EDDM3A: variants seen among roughly 807,000 people sequenced by gnomAD.
EDDM3A encodes epididymal protein 3A.
For missense variants in EDDM3A, 199 were observed against 177.4 expected (o/e 1.12, Z -0.69); for synonymous variants, 75 against 60.4 (o/e 1.24, Z -1.12).
the EDDM3A span, among the ~76,000 whole-genome samples, chr14:20,738,273 A>G: frequency 6.6e-6 from 1 of 152,088 alleles, no homozygotes; most frequent in East Asian, 1.9e-4. Context: ...AGAGATTGAG[A>G]CCATGCTGGC....
the EDDM3A span, among the ~76,000 whole-genome samples, chr14:20,737,347 C>A: frequency 2.6e-5 from 4 of 152,136 alleles, no homozygotes; most frequent in African/African-American, 9.7e-5. Context: ...CAGGTGTGAG[C>A]CACCACACCC....
Position 20,747,537 on chromosome 14 carries a change from TCTTTCTCTTCCCTG to T in EDDM3A, c.-26-17_-26-4del. The T allele has an allele frequency of 2.0e-6, 3 of 1,475,726 alleles. No individual in the cohort carries two copies. Among genetic ancestry groups the T allele is most frequent in the Non-Finnish European group, 2.8e-6 (3 of 1,090,842 alleles). The allele number at this position is 1,475,726 out of a possible 1,614,324, so 91.4% of individuals were successfully genotyped here. A position where few individuals can be genotyped will look rare whatever the true frequency, so the allele number is the denominator to read the frequency against. ...CTGAGTATAGTCTGGTTAATGCTTT[TCTTTCTCTTCCCTG>T]TAGACACGCAGGTGGACGTGGTGAC... is the stretch of plus-strand genomic sequence containing the variant. On this transcript the variant is annotated splice_polypyrimidine_tract_variant and splice_region_variant and intron_variant, in intron 1 of 1. Coordinates refer to ENST00000326842, the MANE Select transcript of EDDM3A (RefSeq NM_006683.5).
chr14:20,747,971 G>A lies in EDDM3A; in HGVS notation c.391G>A (p.Gly131Arg). Residue 131 changes from glycine (G) to arginine (R), a missense_variant, in exon 2 of 2, where the codon GGA (glycine) becomes AGA (arginine). Gly to Arg is a moderately radical substitution (Grantham distance 125, BLOSUM62 -2). Transcript: ENST00000326842. ...SYIEFHCGVDGYVDNIEDLRI... is the reference protein window; with the variant it reads ...SYIEFHCGVDRYVDNIEDLRI... ...CATTGAATTCCATTGTGGCGTAGAT[G>A]GATATGTTGATAACATAGAAGACCT... 1.2e-6 allele frequency: 2 copies of A among 1,613,306 alleles called. No homozygotes were observed. The highest frequency in any genetic ancestry group is 2.2e-5 in the South Asian group (2 of 90,848).
chr14:20,746,457 A>T (rs1877590520), intron 1 of EDDM3A, among the ~76,000 whole-genome samples: 1 of 152,172 alleles, frequency 6.6e-6, no homozygotes, highest in South Asian at 2.1e-4. Flanking sequence ...ATGAGGACAG[A>T]TAGCTGGTAA....
upstream of EDDM3A, among the ~76,000 whole-genome samples, chr14:20,743,341 G>A (rs1877493288): frequency 6.6e-6 from 1 of 152,152 alleles, no homozygotes; most frequent in African/African-American, 2.4e-5. Context: ...CCTGAGGTCA[G>A]GAGTTTGAGA....
upstream of EDDM3A, among the ~76,000 whole-genome samples, chr14:20,742,851 C>A (rs1877477548): frequency 6.6e-6 from 1 of 152,086 alleles, no homozygotes; most frequent in African/African-American, 2.4e-5. Flanking sequence ...CCCACCTCAG[C>A]CTCCTAAGTA....
Position 20,747,957 on chromosome 14 carries a change from A to G in EDDM3A, c.377A>G (p.His126Arg), listed in dbSNP as rs1877657705. The G allele has an allele frequency of 6.2e-7, 1 of 1,613,974 alleles. No individual in the cohort carries two copies. The highest frequency in any genetic ancestry group is 1.3e-5 in the African/African-American group (1 of 74,912). The part of the protein sequence containing the change: ...ESRSFSYIEF[H>R]CGVDGYVDNI... ...AGAAGCTTCAGCTACATTGAATTCC[A>G]TTGTGGCGTAGATGGATATGTTGAT... The change falls in exon 2 of 2, where the codon CAT (histidine) becomes CGT (arginine). Residue 126 changes from histidine to arginine, a missense_variant. His to Arg is a conservative substitution (Grantham distance 29). Coordinates refer to ENST00000326842, the MANE Select transcript of EDDM3A (RefSeq NM_006683.5).
At position 20,748,062 on chromosome 14, in the gene EDDM3A, C is replaced by A; in HGVS notation, c.*38C>A. On this transcript the variant is annotated 3_prime_UTR_variant, in exon 2 of 2. Transcript: ENST00000326842. ...CATCCTCAGATATTGGTAGAGTATT[C>A]AGTGCTTCCAAAGTGGTGGGCCCTG... is the stretch of plus-strand genomic sequence containing the variant. 6.6e-7 allele frequency: 1 copy of A among 1,505,046 alleles called. No individual in the cohort carries two copies. Among genetic ancestry groups the A allele is most frequent in the South Asian group, 1.3e-5 (1 of 75,318 alleles). The allele number at this position is 1,505,046 out of a possible 1,614,324, so 93.2% of individuals were successfully genotyped here. A position where few individuals can be genotyped will look rare whatever the true frequency, so the allele number is the denominator to read the frequency against.
chr14:20,740,944 C>T (rs967005939), upstream of EDDM3A, among the ~76,000 whole-genome samples: 3 of 152,150 alleles, frequency 2.0e-5, no homozygotes, highest in Non-Finnish European at 4.4e-5. Flanking sequence ...GAGGTGTTGA[C>T]GCTGACACAG....
chr14:20,741,056 A>G (rs543627218), upstream of EDDM3A, among the ~76,000 whole-genome samples: 1 of 152,302 alleles, frequency 6.6e-6, no homozygotes, highest in African/African-American at 2.4e-5. Context: ...TCCAAAGCCA[A>G]TGGAAAATTT....
rs74034402 is a variant in EDDM3A at position 20,747,919 on chromosome 14, G to A, written c.339G>A (p.Arg113=). The stretch of plus-strand genomic sequence containing the variant: ...GTCACTGGGAGAAGTACAACAATAG[G>A]TACACAGAGAGCAGAAGCTTCAGCT... ...LECHWEKYNN[R]YTESRSFSYI... Residue 113 remains arginine, a synonymous_variant, in exon 2 of 2, where the codon AGG becomes AGA. Transcript: ENST00000326842. The A allele has an allele frequency of 3.8e-3, 6,119 of 1,614,092 alleles. 176 individuals carry two copies. The African/African-American group carries it at 0.066, about 18-fold the overall frequency.
At chr14:20,742,198 G>C (rs1194570244), upstream of EDDM3A, among the ~76,000 whole-genome samples, 1 of 152,160 alleles carries the variant, frequency 6.6e-6, no homozygotes, top group Non-Finnish European at 1.5e-5. Flanking sequence ...ACAAGAGGTG[G>C]GTACTGATTC....
Position 20,747,958 on chromosome 14 carries a change from T to C in EDDM3A, c.378T>C (p.His126=), listed in dbSNP as rs751497334. Residue 126 remains histidine (H), a synonymous_variant, in exon 2 of 2, where the codon CAT becomes CAC. Coordinates refer to ENST00000326842, the MANE Select transcript of EDDM3A (RefSeq NM_006683.5). The part of the protein sequence containing the change: ...ESRSFSYIEF[H]CGVDGYVDNI... ...GAAGCTTCAGCTACATTGAATTCCA[T>C]TGTGGCGTAGATGGATATGTTGATA... 3 of 1,613,904 alleles carry C rather than the reference T, an allele frequency of 1.9e-6. No homozygotes were observed. Among genetic ancestry groups the C allele is most frequent in the Non-Finnish European group, 2.5e-6 (3 of 1,179,978 alleles).
chr14:20,739,612 C>T, the EDDM3A span, among the ~76,000 whole-genome samples: 4 of 152,194 alleles, frequency 2.6e-5, no homozygotes, highest in Non-Finnish European at 5.9e-5. Context: ...GCTCTGCATC[C>T]TCACCAGCTT....
At position 20,747,933 on chromosome 14, in the gene EDDM3A, G is replaced by A. The variant is rs1437858189; in HGVS notation, c.353G>A (p.Arg118Lys). 1 of 1,614,126 alleles carries A rather than the reference G, an allele frequency of 6.2e-7. No individual in the cohort carries two copies. The highest frequency in any genetic ancestry group is 1.7e-5 in the Admixed American group (1 of 60,014). The change falls in exon 2 of 2, where the codon AGA becomes AAA. Residue 118 changes from arginine to lysine, a missense_variant. Coordinates refer to ENST00000326842, the MANE Select transcript of EDDM3A (RefSeq NM_006683.5). The stretch of plus-strand genomic sequence containing the variant: ...TACAACAATAGGTACACAGAGAGCA[G>A]AAGCTTCAGCTACATTGAATTCCAT... ...EKYNNRYTES[R>K]SFSYIEFHCG... is the part of the protein sequence containing the mutation.
In EDDM3A at chr14:20,746,614, C is replaced by T. The variant is rs1458591014; in HGVS notation, c.-27+622C>T. ...TGATGGCATTGTCAATAAGCTCTAA[C>T]AAATGAAGATCATTTGTAATAGCAG... On this transcript the variant is annotated intron_variant, in intron 1 of 1. Coordinates refer to ENST00000326842, the MANE Select transcript of EDDM3A (RefSeq NM_006683.5). 3.3e-5 allele frequency among the ~76,000 whole-genome samples: 5 copies of T among 152,194 alleles called. No homozygotes were observed. The East Asian group carries it at 9.6e-4, about 29-fold the overall frequency.
At chr14:20,738,848 C>T in the EDDM3A span, among the ~76,000 whole-genome samples, 3 of 152,114 alleles carry the variant, frequency 2.0e-5, 1 homozygote, top group South Asian at 4.2e-4. Context: ...AGGGAGATGA[C>T]CAGGAAAAGT....
upstream of EDDM3A, among the ~76,000 whole-genome samples, chr14:20,745,555 T>G: frequency 6.7e-6 from 1 of 150,240 alleles, no homozygotes; most frequent in Non-Finnish European, 1.5e-5. Flanking sequence ...CTTTCCTCAG[T>G]GAAGTTCCCA....
At chr14:20,736,993 G>A in the EDDM3A span, among the ~76,000 whole-genome samples, 5 of 151,462 alleles carry the variant, frequency 3.3e-5, no homozygotes, top group South Asian at 4.2e-4. Flanking sequence ...GATTATAGGC[G>A]TGAGCCACCA....
Sources: allele counts gnomAD v4.1 joint callset (sites outside exome capture counted in the v4.1 genomes callset), GRCh38; gene constraint gnomAD v4.1.1; transcripts MANE v1.5; gene names NCBI Gene and HGNC (gene_info 2026-07-23, HGNC 2026-07-21).